The following SART1 variants were observed in gnomAD, a reference collection of about 807,000 sequenced individuals.
The protein encoded by SART1 is spliceosome associated factor 1, recruiter of U4/U6.U5 tri-snRNP, also known as U4/U6.U5 tri-snRNP-associated protein 1.
In SART1, 28 loss-of-function variants were observed where a neutral mutation model predicts 105.0. The observed-to-expected ratio is 0.27, with a 90% CI of 0.20 to 0.37. The LOEUF (loss-of-function observed/expected upper bound fraction) is 0.37. Ranked by LOEUF, SART1 falls within the 10% of genes least tolerant of loss-of-function variation. The pLI is 1.00. For synonymous variants in SART1, 472 were observed against 462.9 expected (o/e 1.02, Z -0.25); for missense variants, 894 against 1,106.5 (o/e 0.81, Z 2.72).
At chr11:65,966,645 C>T (rs757489418) in intron 9 of SART1, 89 bp downstream of exon 9, 4 of 1,363,564 alleles carry the variant, frequency 2.9e-6, no homozygotes, top group South Asian at 1.5e-5. Context: ...GAAGACAGGG[C>T]GAGTATTTGT....
At position 65,976,735 on chromosome 11, in the gene SART1, T is replaced by G; in HGVS notation, c.1826T>G (p.Val609Gly). The change falls in exon 14 of 20, where the codon GTG (valine) becomes GGG (glycine). Residue 609 changes from valine to glycine, a missense_variant. By Grantham distance (109) the Val-to-Gly change is moderately radical. Transcript: ENST00000312397. The surrounding 1 kb of genome is among the most constrained non-coding windows in gnomAD (Gnocchi z 5.1). ...DGEENIGWST[V>G]NLDEEKQQQD... is the part of the protein sequence containing the mutation. Reference sequence around the variant, plus strand: ...GAGGAGAACATCGGCTGGAGCACGGTGAACCTGGACGAGGAGAAGCAGCAG... The same window carrying G: ...GAGGAGAACATCGGCTGGAGCACGGGGAACCTGGACGAGGAGAAGCAGCAG... 6.2e-7 allele frequency: 1 copy of G among 1,612,260 alleles called. No homozygotes were observed. The highest frequency in any genetic ancestry group is 8.5e-7 in the Non-Finnish European group (1 of 1,179,512).
Position 65,966,150 on chromosome 11 carries a change from G to C in SART1, c.913G>C (p.Glu305Gln). The stretch of plus-strand genomic sequence containing the variant: ...TAAGGAGCGGGCAGAGAAAAATGTG[G>C]AGCTGCGGAAGAAGAAGCCTGACTA... ...VDKERAEKNVELRKKKPDYLP... is the reference protein window; with the variant it reads ...VDKERAEKNVQLRKKKPDYLP... The change falls in exon 8 of 20, where the codon GAG becomes CAG. Residue 305 changes from glutamate (E) to glutamine (Q), a missense_variant. Physicochemically the swap from Glu to Gln is conservative, Grantham distance 29 (BLOSUM62 2). Coordinates refer to ENST00000312397, the MANE Select transcript of SART1 (RefSeq NM_005146.5). The C allele has an allele frequency of 6.2e-7, 1 of 1,614,030 alleles. No homozygotes were observed. The highest frequency in any genetic ancestry group is 8.5e-7 in the Non-Finnish European group (1 of 1,180,034).
chr11:65,965,150 A>T lies in SART1; in HGVS notation c.486A>T (p.Arg162=). The change falls in exon 4 of 20, where the codon CGA becomes CGT. Residue 162 remains arginine, a synonymous_variant. Coordinates refer to ENST00000312397, the MANE Select transcript of SART1 (RefSeq NM_005146.5). The part of the protein sequence containing the change: ...TADVINPMAL[R]QREELREKLA... ...ATGTCATCAACCCTATGGCCTTGCG[A>T]CAGCGAGAGGAGCTGCGGGAGAAGC... is the stretch of plus-strand genomic sequence containing the variant. 1 of 1,601,580 alleles carries T rather than the reference A, an allele frequency of 6.2e-7. No individual in the cohort carries two copies. Among genetic ancestry groups the T allele is most frequent in the Non-Finnish European group, 8.5e-7 (1 of 1,177,136 alleles).
intron 12 of SART1, among the ~76,000 whole-genome samples, chr11:65,970,408 C>T (rs982419462): frequency 5.3e-5 from 8 of 152,134 alleles, no homozygotes; most frequent in Non-Finnish European, 1.0e-4. Flanking sequence ...TTCTGACTAC[C>T]GGAGATTCTA....
At chr11:65,963,996 G>T in intron 1 of SART1, 78 bp from the exon 2 acceptor site, 1 of 1,328,760 alleles carries the variant, frequency 7.5e-7, no homozygotes. Flanking sequence ...CCTCATTTTT[G>T]TTCCTGCAGC....
rs189580211 is a variant in SART1, at chr11:65,967,549, C to T, written c.1392C>T (p.Asp464=). 67 of 1,612,744 alleles carry T rather than the reference C, an allele frequency of 4.2e-5. No individual in the cohort carries two copies. In the Middle Eastern group the frequency reaches 5.2e-4, roughly 12 times the overall value. Reference sequence around the variant, plus strand: ...CTGTGCCTCAGCCCCTGCCGTCGGACGACACCCGAGTGGAGAACATGGACA... The same window carrying T: ...CTGTGCCTCAGCCCCTGCCGTCGGATGACACCCGAGTGGAGAACATGGACA... The part of the protein sequence containing the change: ...KEPVPQPLPS[D]DTRVENMDIS... The change falls in exon 11 of 20, where the codon GAC becomes GAT. Residue 464 remains aspartate, a synonymous_variant. Coordinates refer to ENST00000312397, the MANE Select transcript of SART1 (RefSeq NM_005146.5).
At chr11:65,972,637 T>C (rs1855400809) in intron 12 of SART1, among the ~76,000 whole-genome samples, 2 of 151,956 alleles carry the variant, frequency 1.3e-5, no homozygotes, top group Admixed American at 1.3e-4. Context: ...CATGGTAGCA[T>C]GTGTCTGAAG....
At position 65,967,272 on chromosome 11, in the gene SART1, A is replaced by T. The variant is rs758180449; in HGVS notation, c.1202A>T (p.Lys401Met). The T allele has an allele frequency of 1.2e-6, 2 of 1,614,080 alleles. No individual in the cohort carries two copies. The highest frequency in any genetic ancestry group is 2.2e-5 in the South Asian group (2 of 91,076). The change falls in exon 10 of 20, where the codon AAG (lysine) becomes ATG (methionine). Residue 401 changes from lysine to methionine, a missense_variant. Transcript: ENST00000312397. ...TCTTCCCTTAAGGTGACCTTTAAAA[A>T]GACCAAGCGGAGGGTGAAGAAAATC... ...LTPEEMVTFK[K>M]TKRRVKKIRK...
intron 12 of SART1, among the ~76,000 whole-genome samples, chr11:65,968,374 T>C (rs1855305879): frequency 6.6e-6 from 1 of 152,190 alleles, no homozygotes; most frequent in South Asian, 2.1e-4. Context: ...GCATTGTTCT[T>C]GGGCTGAGAA....
intron 1 of SART1, 78 bp downstream of exon 1, chr11:65,962,171 T>G: frequency 9.3e-7 from 1 of 1,080,742 alleles, no homozygotes; most frequent in East Asian, 3.1e-5. Context: ...GCGCGCAGTG[T>G]CAGCGAAGCT....
At chr11:65,973,035 G>A (rs531117702) in intron 12 of SART1, among the ~76,000 whole-genome samples, 22 of 152,176 alleles carry the variant, frequency 1.4e-4, no homozygotes, top group South Asian at 1.2e-3. Flanking sequence ...TTAACCAGAC[G>A]TGGTGGCGGG....
Position 65,961,741 on chromosome 11 carries a change from T to TGGGCTCGGCGGCAGCC in SART1, c.-31_-16dup, listed in dbSNP as rs763701830. ...GGAAGTATTCCCATTTTGCGTTGTC[T>TGGGCTCGGCGGCAGCC]GGGCTCGGCGGCAGCCGGGCTCGGA... On this transcript the variant is annotated 5_prime_UTR_variant, in exon 1 of 20. Transcript: ENST00000312397. The TGGGCTCGGCGGCAGCC allele has an allele frequency of 2.2e-5, 32 of 1,463,660 alleles. No homozygotes were observed. Among genetic ancestry groups the TGGGCTCGGCGGCAGCC allele is most frequent in the South Asian group, 2.9e-5 (2 of 69,732 alleles). The allele number at this position is 1,463,660 out of a possible 1,614,324, so 90.7% of individuals were successfully genotyped here. A position where few individuals can be genotyped will look rare whatever the true frequency, so the allele number is the denominator to read the frequency against.
In SART1 at chr11:65,976,244, A is replaced by G. The variant is rs1241589008; in HGVS notation, c.1573-151A>G. On this transcript the variant is annotated intron_variant, in intron 12 of 19. Transcript: ENST00000312397. The surrounding 1 kb of genome is among the most constrained non-coding windows in gnomAD (Gnocchi z 5.1). The stretch of plus-strand genomic sequence containing the variant: ...AGTGACCCCAGTGAAAGAGGTGCAG[A>G]GTGGAGTTAGGCGGCAGATAGCAGC... 2 of 697,272 alleles carry G rather than the reference A, an allele frequency of 2.9e-6. No individual in the cohort carries two copies. Among genetic ancestry groups the G allele is most frequent in the South Asian group, 4.1e-5 (2 of 48,988 alleles). The allele number at this position is 697,272 out of a possible 1,614,324, so 43.2% of individuals were successfully genotyped here.
Position 65,979,224 on chromosome 11 carries a change from C to CCCGGGT in SART1, c.*197_*202dup. ...ACTAAACGATGGAAGAGAGAGCGAG[C>CCCGGGT]CCGGGTCCTCTAAGGCTCCTTCCTT... is the stretch of plus-strand genomic sequence containing the variant. On this transcript the variant is annotated 3_prime_UTR_variant, in exon 20 of 20. Coordinates refer to ENST00000312397, the MANE Select transcript of SART1 (RefSeq NM_005146.5). 1.4e-6 allele frequency: 1 copy of CCCGGGT among 702,764 alleles called. No individual in the cohort carries two copies. The highest frequency in any genetic ancestry group is 2.4e-6 in the Non-Finnish European group (1 of 413,192). 43.5% of individuals were successfully genotyped at this position (702,764 alleles called of 1,614,324 possible).
At position 65,977,848 on chromosome 11, in the gene SART1, C is replaced by T. The variant is rs138652501; in HGVS notation, c.2121C>T (p.Asp707=). 20 of 1,613,782 alleles carry T rather than the reference C, an allele frequency of 1.2e-5. No individual in the cohort carries two copies. The highest frequency in any genetic ancestry group is 5.0e-5 in the Admixed American group (3 of 59,976). Residue 707 remains aspartate (D), a synonymous_variant, in exon 17 of 20, where the codon GAC becomes GAT. Coordinates refer to ENST00000312397, the MANE Select transcript of SART1 (RefSeq NM_005146.5). ...DFKEKDGYKP[D]VKIEYVDETG... ...AGGAGAAGGACGGCTACAAACCCGA[C>T]GTTAAGATCGAATACGTGGATGAGA... is the stretch of plus-strand genomic sequence containing the variant.
chr11:65,967,215 C>G, intron 9 of SART1, 44 bp from the exon 10 acceptor site: 2 of 1,603,030 alleles, frequency 1.2e-6, no homozygotes, highest in South Asian at 2.2e-5. Flanking sequence ...GGCGACCTGC[C>G]TTTCTGTGGC....
intron 17 of SART1, 24 bp downstream of exon 17, chr11:65,977,923 G>A (rs750409147): frequency 1.3e-6 from 2 of 1,579,938 alleles, no homozygotes; most frequent in Non-Finnish European, 8.6e-7. Flanking sequence ...TTTGCAGGCG[G>A]AGGCCCGGCC....
Position 65,978,366 on chromosome 11 carries a change from C to A in SART1, c.2173-234C>A, listed in dbSNP as rs1365574227. The A allele has an allele frequency of 1.8e-6, 1 of 568,882 alleles. No individual in the cohort carries two copies. Among genetic ancestry groups the A allele is most frequent in the East Asian group, 3.0e-5 (1 of 33,396 alleles). 35.2% of individuals were successfully genotyped at this position (568,882 alleles called of 1,614,324 possible). The stretch of plus-strand genomic sequence containing the variant: ...CCCCTGCGTGGCAGGTCTCCAGGTT[C>A]CCCATGCTCTGCCCCCATGGCAGCG... On this transcript the variant is annotated intron_variant, in intron 17 of 19. Transcript: ENST00000312397. The surrounding 1 kb of genome is among the most constrained non-coding windows in gnomAD (Gnocchi z 6.8).
At chr11:65,969,880 G>A (rs1388719211) in intron 12 of SART1, among the ~76,000 whole-genome samples, 2 of 152,092 alleles carry the variant, frequency 1.3e-5, no homozygotes, top group African/African-American at 4.8e-5. Flanking sequence ...ATGCCACCAC[G>A]CCCAGCTGAT....
Sources: allele counts gnomAD v4.1 joint callset (sites outside exome capture counted in the v4.1 genomes callset), GRCh38; gene constraint gnomAD v4.1.1; non-coding constraint Gnocchi (gnomAD v3.1); transcripts MANE v1.5; gene names NCBI Gene and HGNC (gene_info 2026-07-23, HGNC 2026-07-21).